The following GAD1 variants were observed in gnomAD, a reference collection of about 807,000 sequenced individuals.
The protein encoded by GAD1 is 67 kDa glutamic acid decarboxylase.
In GAD1, 35 loss-of-function variants were observed where a neutral mutation model predicts 75.2. The ratio of observed to expected loss-of-function variants is 0.47; its 90% CI spans 0.36 to 0.62. GAD1 has a LOEUF of 0.62. Ranked by LOEUF, GAD1 falls within the 20% of genes least tolerant of loss-of-function variation. The probability of loss-of-function intolerance (pLI) is 0.00; values close to 1 mark genes in which losing one functional copy is unlikely to be tolerated. For synonymous variants in GAD1, 257 were observed against 271.9 expected (o/e 0.95, Z 0.54); for missense variants, 490 against 758.5 (o/e 0.65, Z 4.16).
At chr2:170,848,563 C>T (rs1333829136) in intron 11 of GAD1, 11 of 401,338 alleles carry the variant, frequency 2.7e-5, no homozygotes, top group South Asian at 9.6e-5. Flanking sequence ...AGGCAGTATA[C>T]GGAAGGCATT....
At chr2:170,843,759 C>T (rs1702572096) in intron 6 of GAD1, 1 of 393,760 alleles carries the variant, frequency 2.5e-6, no homozygotes, top group Admixed American at 4.2e-5. Context: ...CCTTCTATTC[C>T]TCTGGGTGGA....
chr2:170,844,572 C>T (rs1280976801), intron 7 of GAD1, among the ~76,000 whole-genome samples: 1 of 152,002 alleles, frequency 6.6e-6, no homozygotes, highest in African/African-American at 2.4e-5. Context: ...CCATGCCCAG[C>T]CGTTTTAAAA....
intron 3 of GAD1, among the ~76,000 whole-genome samples, chr2:170,827,293 T>A (rs1702048048): frequency 6.6e-6 from 1 of 152,232 alleles, no homozygotes; most frequent in Non-Finnish European, 1.5e-5. Flanking sequence ...TTCTTCCAAG[T>A]CTGCCTTGTG....
At chr2:170,846,473 C>T (rs1702635404) in intron 10 of GAD1, among the ~76,000 whole-genome samples, 1 of 152,210 alleles carries the variant, frequency 6.6e-6, no homozygotes, top group South Asian at 2.1e-4. Flanking sequence ...GGCAGATGGC[C>T]CATGGTACTT....
At chr2:170,828,276 T>TTCCCTCTGCTGTCCTCACCCTCC (rs1365845484) in intron 3 of GAD1, among the ~76,000 whole-genome samples, 5 of 81,196 alleles carry the variant, frequency 6.2e-5, no homozygotes, top group South Asian at 5.3e-4. Context: ...ACCCCTCCCC[T>TTCCCTCTGCTGTCCTCACCCTCC]TCCCTCTGCT....
At chr2:170,825,428 C>T (rs141737971) in intron 3 of GAD1, among the ~76,000 whole-genome samples, 2 of 152,196 alleles carry the variant, frequency 1.3e-5, no homozygotes, top group South Asian at 4.1e-4. Flanking sequence ...AGAGCCCCTC[C>T]GTCTATGCAT....
intron 2 of GAD1, chr2:170,821,641 T>TGA (rs1317636920): frequency 5.6e-6 from 1 of 177,534 alleles, no homozygotes; most frequent in African/African-American, 2.4e-5. Flanking sequence ...CAAGAAATTA[T>TGA]GAGACGTTTC....
At chr2:170,851,483 C>T (rs954126292) in intron 12 of GAD1, among the ~76,000 whole-genome samples, 3 of 152,156 alleles carry the variant, frequency 2.0e-5, no homozygotes, top group African/African-American at 7.2e-5. Flanking sequence ...AGACCTTCCT[C>T]TCTTCTCCTT....
chr2:170,829,109 G>A, intron 3 of GAD1: 1 of 360,230 alleles, frequency 2.8e-6, no homozygotes, highest in Non-Finnish European at 5.4e-6. Context: ...CATAAACAGT[G>A]CTGGCAGCAT....
chr2:170,855,581 T>C (rs1702833178), intron 14 of GAD1, among the ~76,000 whole-genome samples: 1 of 151,292 alleles, frequency 6.6e-6, no homozygotes, highest in Non-Finnish European at 1.5e-5. Context: ...TTTAAACATA[T>C]AAATAGCCAT....
upstream of GAD1, among the ~76,000 whole-genome samples, chr2:170,814,038 C>T (rs1701655691): frequency 6.6e-6 from 1 of 152,140 alleles, no homozygotes; most frequent in South Asian, 2.1e-4. Context: ...TTCGAGTCCC[C>T]GGAGAGGATA....
rs1479497899 is a variant in GAD1 at position 170,828,194 on chromosome 2, A to G, written c.146-1281A>G. 3.1e-3 allele frequency among the ~76,000 whole-genome samples: 174 copies of G among 55,348 alleles called. 6 individuals carry two copies. Among genetic ancestry groups the G allele is most frequent in the African/African-American group, 0.011 (160 of 14,968 alleles). The allele number at this position is 55,348 out of a possible 152,430, so 36.3% of individuals were successfully genotyped here. ...TCGCCCTCCTCTCTCTGCTGTCCTCACCTCTCCTCTCTCTGCTATCCTCAC... is the reference window on the plus strand; with the variant it reads ...TCGCCCTCCTCTCTCTGCTGTCCTCGCCTCTCCTCTCTCTGCTATCCTCAC... On this transcript the variant is annotated intron_variant, in intron 3 of 16. Transcript: ENST00000358196.
At chr2:170,847,381 C>A (rs553373804) in intron 10 of GAD1, among the ~76,000 whole-genome samples, 1 of 152,154 alleles carries the variant, frequency 6.6e-6, no homozygotes, top group South Asian at 2.1e-4. Flanking sequence ...CTGTCACCTG[C>A]CACTAAAATG....
At chr2:170,819,347 G>A (rs1701803920) in intron 2 of GAD1, among the ~76,000 whole-genome samples, 1 of 152,012 alleles carries the variant, frequency 6.6e-6, no homozygotes, top group Non-Finnish European at 1.5e-5. Context: ...AGTGGCAAGA[G>A]ATGGGGAACT....
intron 14 of GAD1, among the ~76,000 whole-genome samples, chr2:170,854,896 T>C (rs1702820467): frequency 6.6e-6 from 1 of 152,242 alleles, no homozygotes; most frequent in African/African-American, 2.4e-5. Flanking sequence ...GTTTCATTTC[T>C]GTACCTAAGG....
chr2:170,853,756 C>T lies in GAD1; in HGVS notation c.1264-117C>T. 1.0e-6 allele frequency: 1 copy of T among 983,784 alleles called. No homozygotes were observed. The highest frequency in any genetic ancestry group is 1.6e-6 in the Non-Finnish European group (1 of 616,280). The allele number at this position is 983,784 out of a possible 1,614,324, so 60.9% of individuals were successfully genotyped here. On this transcript the variant is annotated intron_variant, in intron 13 of 16. Coordinates refer to ENST00000358196, the MANE Select transcript of GAD1 (RefSeq NM_000817.3). The surrounding 1 kb of genome is among the most constrained non-coding windows in gnomAD (Gnocchi z 4.1). ...GAACAAGTGTAAGGCCTCATAAAGACATCAGAAGAAAGATTGCATATGACC... is the reference window on the plus strand; with the variant it reads ...GAACAAGTGTAAGGCCTCATAAAGATATCAGAAGAAAGATTGCATATGACC...
At chr2:170,820,179 T>TG (rs1199843419) in intron 2 of GAD1, among the ~76,000 whole-genome samples, 3 of 145,550 alleles carry the variant, frequency 2.1e-5, no homozygotes, top group Non-Finnish European at 3.0e-5. Context: ...GGGGTGGGGG[T>TG]GGGGGGTTAG....
intron 10 of GAD1, 88 bp from the exon 11 acceptor site, chr2:170,847,588 A>G: frequency 1.1e-6 from 1 of 924,804 alleles, no homozygotes; most frequent in Middle Eastern, 2.3e-4. Flanking sequence ...TGTTAGAAAT[A>G]AATGTTACAC....
chr2:170,816,954 G>A lies in GAD1; in HGVS notation c.-158G>A, dbSNP rs45486908. On this transcript the variant is annotated 5_prime_UTR_variant, in exon 1 of 17. Transcript: ENST00000358196. ...CGAGGAAGCAGCTGGAGGTGACGCC[G>A]GGCAGATTACGCCTGTCAGGGCCGA... The A allele has an allele frequency of 0.02, 3,847 of 195,242 alleles. 150 individuals are homozygous for A. The highest frequency in any genetic ancestry group is 0.1 in the Admixed American group (1,687 of 16,274). 12.1% of individuals were successfully genotyped at this position (195,242 alleles called of 1,614,324 possible).
Sources: allele counts gnomAD v4.1 joint callset (sites outside exome capture counted in the v4.1 genomes callset), GRCh38; gene constraint gnomAD v4.1.1; non-coding constraint Gnocchi (gnomAD v3.1); transcripts MANE v1.5; gene names NCBI Gene and HGNC (gene_info 2026-07-23, HGNC 2026-07-21).